Variants in SIPA1L2 observed in about 807,000 individuals in gnomAD.
SIPA1L2 encodes the protein signal induced proliferation associated 1 like 2.
A neutral mutation model predicts 163.9 loss-of-function variants in SIPA1L2; 56 were observed. The observed-to-expected ratio is 0.34, with a 90% CI of 0.28 to 0.43. The LOEUF is 0.43. SIPA1L2 is among the 20% of genes least tolerant of loss of function. SIPA1L2 has a pLI of 1.00. For synonymous variants in SIPA1L2, 877 were observed against 865.7 expected (o/e 1.01, Z -0.23); for missense variants, 1,974 against 2,193.5 (o/e 0.90, Z 2.00).
In SIPA1L2 at chr1:232,425,634, G is replaced by C; in HGVS notation, c.4585C>G (p.Leu1529Val). 1 of 1,611,598 alleles carries C rather than the reference G, an allele frequency of 6.2e-7. No homozygotes were observed. Among genetic ancestry groups the C allele is most frequent in the Non-Finnish European group, 8.5e-7 (1 of 1,179,134 alleles). ...FSTTPPYHST[L>V]PPRAHPAPSM... ...GGTGCGGGGTGGGCCCGCGGAGGCA[G>C]CGTGCTGTGGTAGGGTGGGGTGGTG... The change falls in exon 18 of 23, where the codon CTG becomes GTG. Residue 1529 changes from leucine to valine, a missense_variant. Coordinates refer to ENST00000674635, the MANE Select transcript of SIPA1L2 (RefSeq NM_020808.5).
chr1:232,548,171 T>C (rs1484717916), intron 2 of SIPA1L2, among the ~76,000 whole-genome samples: 1 of 152,230 alleles, frequency 6.6e-6, no homozygotes, highest in Non-Finnish European at 1.5e-5. Context: ...GTATGATGAC[T>C]ACAGTAATCA....
chr1:232,606,630 T>C (rs1028009430), intron 1 of SIPA1L2, among the ~76,000 whole-genome samples: 4 of 148,688 alleles, frequency 2.7e-5, no homozygotes, highest in African/African-American at 7.3e-5. Context: ...ATTTATTATA[T>C]ATACTATATA....
chr1:232,482,369 T>G (rs1665404581), intron 6 of SIPA1L2, among the ~76,000 whole-genome samples: 1 of 152,024 alleles, frequency 6.6e-6, no homozygotes, highest in Non-Finnish European at 1.5e-5. Flanking sequence ...GTGGTTTTCC[T>G]GGAGGGACAT....
chr1:232,452,198 T>G (rs1475977397), intron 10 of SIPA1L2, among the ~76,000 whole-genome samples: 1 of 151,948 alleles, frequency 6.6e-6, no homozygotes, highest in East Asian at 2.0e-4. Context: ...TTATTCATAT[T>G]CATACTCATG....
chr1:232,418,396 T>C (rs576008646), intron 18 of SIPA1L2, among the ~76,000 whole-genome samples: 1 of 152,234 alleles, frequency 6.6e-6, no homozygotes, highest in Non-Finnish European at 1.5e-5. Context: ...CCTGACAGTC[T>C]TGAGTGAAAT....
At chr1:232,404,476 T>A (rs1440703903) in intron 19 of SIPA1L2, among the ~76,000 whole-genome samples, 1 of 151,898 alleles carries the variant, frequency 6.6e-6, no homozygotes, top group Non-Finnish European at 1.5e-5. Context: ...ACTCCACAAA[T>A]CCAAAGAGAG....
At position 232,530,578 on chromosome 1, in the gene SIPA1L2, TA is replaced by T. The variant is rs145507955; in HGVS notation, c.-269-14971del. ...CAAAAAGGTAAATACTCCTTTTCGCTAAAAAAAAAAGGTTAACAAGTTTGGG... is the reference window on the plus strand; with the variant it reads ...CAAAAAGGTAAATACTCCTTTTCGCTAAAAAAAAAGGTTAACAAGTTTGGG... On this transcript the variant is annotated intron_variant, in intron 2 of 22. Coordinates refer to ENST00000674635, the MANE Select transcript of SIPA1L2 (RefSeq NM_020808.5). Among the ~76,000 whole-genome samples, 319 of 146,424 alleles carry T rather than the reference TA, an allele frequency of 2.2e-3. 1 individual carries two copies. The highest frequency in any genetic ancestry group is 6.4e-3 in the African/African-American group (256 of 40,206).
intron 19 of SIPA1L2, among the ~76,000 whole-genome samples, chr1:232,412,953 A>T (rs926505723): frequency 6.6e-6 from 1 of 152,224 alleles, no homozygotes; most frequent in Admixed American, 6.5e-5. Flanking sequence ...TTTGGCAAAT[A>T]GAATATTACA....
chr1:232,479,393 G>A (rs1665207603), intron 7 of SIPA1L2, among the ~76,000 whole-genome samples: 1 of 152,196 alleles, frequency 6.6e-6, no homozygotes, highest in Non-Finnish European at 1.5e-5. Context: ...ATTTTGCTTA[G>A]CAAGCAATAG....
At chr1:232,512,538 C>T (rs1488949298) in intron 3 of SIPA1L2, among the ~76,000 whole-genome samples, 2 of 152,064 alleles carry the variant, frequency 1.3e-5, no homozygotes, top group Non-Finnish European at 2.9e-5. Context: ...ACTATGTAGC[C>T]ATAAAAAAGA....
Position 232,615,330 on chromosome 1 carries a change from G to A in SIPA1L2, c.-319+14539C>T, listed in dbSNP as rs1573179063. ...CAAGAGTTTTTCAAGGTGCTAGCCA[G>A]CAGTCTGCTGAAGGTCCTTTCAGGC... On this transcript the variant is annotated intron_variant, in intron 1 of 22. Coordinates refer to ENST00000674635, the MANE Select transcript of SIPA1L2 (RefSeq NM_020808.5). 7.2e-5 allele frequency among the ~76,000 whole-genome samples: 11 copies of A among 152,350 alleles called. No individual in the cohort carries two copies. The South Asian group carries it at 2.3e-3, about 32-fold the overall frequency.
At position 232,460,881 on chromosome 1, in the gene SIPA1L2, C is replaced by T; in HGVS notation, c.3095+6G>A. 6.2e-7 allele frequency: 1 copy of T among 1,610,926 alleles called. No homozygotes were observed. The highest frequency in any genetic ancestry group is 8.5e-7 in the Non-Finnish European group (1 of 1,177,578). ...GTGAGCATTACTTGGGCCTCCCACG[C>T]CTTACCTTCGGGGCGAGCCGTCATC... On this transcript the variant is annotated splice_donor_region_variant and intron_variant, in intron 10 of 22. Coordinates refer to ENST00000674635, the MANE Select transcript of SIPA1L2 (RefSeq NM_020808.5).
rs573429241 is a variant in SIPA1L2, at chr1:232,412,154, C to T, written c.4762+3340G>A. ...ATAGTAAAATCTAAATTCTTAAACT[C>T]GCATCCAATGTCAACTTTAGCCCTT... On this transcript the variant is annotated intron_variant, in intron 19 of 22. Transcript: ENST00000674635. Among the ~76,000 whole-genome samples the T allele has an allele frequency of 8.5e-5, 13 of 152,244 alleles. No homozygotes were observed. The East Asian group carries it at 1.5e-3, about 18-fold the overall frequency.
intron 1 of SIPA1L2, among the ~76,000 whole-genome samples, chr1:232,613,155 A>T (rs1470091177): frequency 1.3e-5 from 2 of 152,138 alleles, no homozygotes; most frequent in African/African-American, 4.8e-5. Flanking sequence ...CTGTAAGTCC[A>T]ATTAAACCTC....
chr1:232,428,373 G>A, intron 17 of SIPA1L2, 38 bp downstream of exon 17: 1 of 654,392 alleles, frequency 1.5e-6, no homozygotes, highest in Non-Finnish European at 2.2e-6. Context: ...TTTTTTTTTA[G>A]TGTTTCTGGT....
intron 19 of SIPA1L2, among the ~76,000 whole-genome samples, chr1:232,407,686 G>T (rs897148923): frequency 2.0e-5 from 3 of 152,156 alleles, no homozygotes; most frequent in African/African-American, 4.8e-5. Flanking sequence ...CCACCAACTG[G>T]GGAAGTCTGG....
intron 2 of SIPA1L2, among the ~76,000 whole-genome samples, chr1:232,522,245 G>A (rs145205012): frequency 1.5e-4 from 23 of 152,246 alleles, no homozygotes; most frequent in Admixed American, 3.9e-4. Context: ...GGCAGCACAA[G>A]CCACTCATGA....
At chr1:232,415,764 C>G (rs918913689) in intron 18 of SIPA1L2, 139 bp from the exon 19 acceptor site, 1 of 1,073,488 alleles carries the variant, frequency 9.3e-7, no homozygotes, top group Admixed American at 2.3e-5. Context: ...CTCCCAGAGT[C>G]AGTCAGAACA....
chr1:232,607,775 G>A (rs1456922550), intron 1 of SIPA1L2, among the ~76,000 whole-genome samples: 2 of 146,868 alleles, frequency 1.4e-5, no homozygotes, highest in East Asian at 2.3e-4. Context: ...AAAAAAAAAC[G>A]CCGGGCACAG....
Sources: allele counts gnomAD v4.1 joint callset (sites outside exome capture counted in the v4.1 genomes callset), GRCh38; gene constraint gnomAD v4.1.1; transcripts MANE v1.5; gene names NCBI Gene and HGNC (gene_info 2026-07-23, HGNC 2026-07-21).